Variants in BUB1B observed in about 807,000 individuals in gnomAD.
BUB1B encodes the protein BUB1 mitotic checkpoint serine/threonine kinase B.
A neutral mutation model predicts 137.7 loss-of-function variants in BUB1B; 86 were observed. That is an observed-to-expected ratio of 0.62 (90% confidence interval 0.52 to 0.75). The LOEUF is 0.75. BUB1B is among the 30% of genes least tolerant of loss of function. The pLI is 0.00. For missense variants in BUB1B, 1,130 were observed against 1,236.9 expected (o/e 0.91, Z 1.30); for synonymous variants, 420 against 417.9 (o/e 1.00, Z -0.06).
intron 8 of BUB1B, among the ~76,000 whole-genome samples, chr15:40,188,240 G>A (rs1259469646): frequency 6.6e-6 from 1 of 152,070 alleles, no homozygotes; most frequent in Non-Finnish European, 1.5e-5. Context: ...TAGAGACAGG[G>A]TTTCACCATG....
At position 40,205,105 on chromosome 15, in the gene BUB1B, C is replaced by T. The variant is rs192157882; in HGVS notation, c.1735-1079C>T. Among the ~76,000 whole-genome samples, 401 of 152,098 alleles carry T rather than the reference C, an allele frequency of 2.6e-3. 8 individuals are homozygous for T. The highest frequency in any genetic ancestry group is 0.021 in the Admixed American group (316 of 15,284). Reference sequence around the variant, plus strand: ...GGGATTACAGGCGCCCACCACCACGCCCAGCTAATTTTTGTATTTTTAGTA... The same window carrying T: ...GGGATTACAGGCGCCCACCACCACGTCCAGCTAATTTTTGTATTTTTAGTA... On this transcript the variant is annotated intron_variant, in intron 14 of 22. Transcript: ENST00000287598.
At chr15:40,175,129 A>G (rs1260532714) in intron 4 of BUB1B, among the ~76,000 whole-genome samples, 2 of 152,184 alleles carry the variant, frequency 1.3e-5, no homozygotes, top group Admixed American at 6.6e-5. Context: ...ACCTTTTAAC[A>G]TAGTTCTAGG....
In BUB1B at chr15:40,196,525, T is replaced by C. The variant is rs2037499501; in HGVS notation, c.1059-20T>C. 2 of 1,578,218 alleles carry C rather than the reference T, an allele frequency of 1.3e-6. No homozygotes were observed. The highest frequency in any genetic ancestry group is 1.1e-5 in the South Asian group (1 of 89,998). On this transcript the variant is annotated intron_variant, in intron 8 of 22. Coordinates refer to ENST00000287598, the MANE Select transcript of BUB1B (RefSeq NM_001211.6). ...TTTTTATTTTGACCCATATGAATAATAGTAATTTTGCTTCTTTAGGACACC... is the reference window on the plus strand; with the variant it reads ...TTTTTATTTTGACCCATATGAATAACAGTAATTTTGCTTCTTTAGGACACC...
intron 4 of BUB1B, among the ~76,000 whole-genome samples, chr15:40,172,847 C>T (rs2037180057): frequency 6.6e-6 from 1 of 152,180 alleles, no homozygotes; most frequent in African/African-American, 2.4e-5. Context: ...GTTACAGAAA[C>T]TTATAATGAA....
chr15:40,170,791 A>C, intron 4 of BUB1B, 110 bp downstream of exon 4: 7 of 1,093,736 alleles, frequency 6.4e-6, no homozygotes, highest in Non-Finnish European at 9.4e-6. Context: ...TGAACCATTT[A>C]GTAGATTGGA....
rs1264092011 is a variant in BUB1B at position 40,206,225 on chromosome 15, T to C, written c.1776T>C (p.Ile592=). Residue 592 remains isoleucine (I), a synonymous_variant, in exon 15 of 23, where the codon ATT becomes ATC. Coordinates refer to ENST00000287598, the MANE Select transcript of BUB1B (RefSeq NM_001211.6). ...TTGAACCCTTGAGCGAGGATGCCATTATCACAGGCTTCAGAAATGTAACAA... is the reference window on the plus strand; with the variant it reads ...TTGAACCCTTGAGCGAGGATGCCATCATCACAGGCTTCAGAAATGTAACAA... ...TGIEPLSEDA[I]ITGFRNVTIC... The C allele has an allele frequency of 6.2e-7, 1 of 1,614,184 alleles. No individual in the cohort carries two copies.
chr15:40,183,059 C>A (rs2140889380), intron 5 of BUB1B, among the ~76,000 whole-genome samples: 1 of 152,150 alleles, frequency 6.6e-6, no homozygotes, highest in Non-Finnish European at 1.5e-5. Flanking sequence ...GCAATTTATT[C>A]TGGGTTTTTT....
chr15:40,187,066 A>C (rs549471779), intron 8 of BUB1B: 2 of 151,114 alleles, frequency 1.3e-5, no homozygotes, highest in South Asian at 4.1e-4. Context: ...TAGGAGAATC[A>C]CTCCAGGCCA....
intron 8 of BUB1B, among the ~76,000 whole-genome samples, chr15:40,194,691 T>A (rs2037477168): frequency 6.6e-6 from 1 of 152,220 alleles, no homozygotes. Flanking sequence ...TATACTTCAT[T>A]CTTTTAAAAG....
At position 40,220,790 on chromosome 15, in the gene BUB1B, C is replaced by T; in HGVS notation, c.*31C>T. ...GCAATCAAGTCTCACAGATTGCTGC[C>T]TCAGAGCAATGGTTGTATTGTGGAA... On this transcript the variant is annotated 3_prime_UTR_variant, in exon 23 of 23. Coordinates refer to ENST00000287598, the MANE Select transcript of BUB1B (RefSeq NM_001211.6). The T allele has an allele frequency of 6.3e-7, 1 of 1,594,416 alleles. No individual in the cohort carries two copies. The highest frequency in any genetic ancestry group is 2.2e-5 in the East Asian group (1 of 44,754).
In BUB1B at chr15:40,192,924, T is replaced by C. The variant is rs80068172; in HGVS notation, c.1059-3621T>C. On this transcript the variant is annotated intron_variant, in intron 8 of 22. Transcript: ENST00000287598. Reference sequence around the variant, plus strand: ...TGGAGTACAGTAGCATGATCCTGGCTCACTGCAGTCCTGACTCCTGGACTC... The same window carrying C: ...TGGAGTACAGTAGCATGATCCTGGCCCACTGCAGTCCTGACTCCTGGACTC... 2.8e-4 allele frequency among the ~76,000 whole-genome samples: 42 copies of C among 152,334 alleles called. No individual in the cohort carries two copies. The East Asian group carries it at 8.1e-3, about 29-fold the overall frequency.
At chr15:40,166,322 T>C (rs1368947107) in intron 2 of BUB1B, 1 of 434,672 alleles carries the variant, frequency 2.3e-6, no homozygotes, top group Non-Finnish European at 4.5e-6. Context: ...TTTGTAGACA[T>C]AATTTTCTCT....
chr15:40,216,699 G>A (rs1037687627), intron 20 of BUB1B, among the ~76,000 whole-genome samples: 1 of 151,068 alleles, frequency 6.6e-6, no homozygotes, highest in Non-Finnish European at 1.5e-5. Context: ...TGCCGTGGAG[G>A]TATGTAATTG....
At position 40,170,648 on chromosome 15, in the gene BUB1B, T is replaced by C; in HGVS notation, c.351T>C (p.Ser117=). The C allele has an allele frequency of 6.2e-7, 1 of 1,613,802 alleles. No individual in the cohort carries two copies. The highest frequency in any genetic ancestry group is 1.7e-4 in the Middle Eastern group (1 of 6,058). Residue 117 remains serine, a synonymous_variant, in exon 4 of 23, where the codon AGT becomes AGC. Coordinates refer to ENST00000287598, the MANE Select transcript of BUB1B (RefSeq NM_001211.6). ...TACAAGGAGAAAAACGATATTATAG[T>C]GATCCTCGATTTCTCAATCTCTGGC... ...EALQGEKRYY[S]DPRFLNLWLK... is the part of the protein sequence containing the mutation.
At chr15:40,168,036 C>T (rs2037121392) in intron 2 of BUB1B, among the ~76,000 whole-genome samples, 1 of 149,130 alleles carries the variant, frequency 6.7e-6, no homozygotes, top group African/African-American at 2.5e-5. Flanking sequence ...TTGAAATCAT[C>T]TTGTCAATTT....
rs2037348769 is a variant in BUB1B at position 40,185,451 on chromosome 15, A to AC, written c.966+74dup. The AC allele has an allele frequency of 3.1e-6, 5 of 1,589,362 alleles. No homozygotes were observed. In the East Asian group the frequency reaches 1.1e-4, roughly 36 times the overall value. On this transcript the variant is annotated intron_variant, in intron 7 of 22. Coordinates refer to ENST00000287598, the MANE Select transcript of BUB1B (RefSeq NM_001211.6). Reference sequence around the variant, plus strand: ...ACATTTAGGGTAGAGAAGTATTTTTACCATCTCTTTTAATTCCTCTTGAAT... The same window carrying AC: ...ACATTTAGGGTAGAGAAGTATTTTTACCCATCTCTTTTAATTCCTCTTGAAT...
At chr15:40,212,118 A>G (rs1243896649) in intron 18 of BUB1B, among the ~76,000 whole-genome samples, 2 of 152,248 alleles carry the variant, frequency 1.3e-5, no homozygotes, top group African/African-American at 4.8e-5. Flanking sequence ...TACAGGCATG[A>G]GCCACTGCAC....
chr15:40,164,795 C>T (rs893776528), intron 1 of BUB1B, among the ~76,000 whole-genome samples: 2 of 151,896 alleles, frequency 1.3e-5, no homozygotes, highest in Admixed American at 6.6e-5. Flanking sequence ...AGCCACCGCA[C>T]ATAGCCATGC....
chr15:40,173,974 TA>T, intron 4 of BUB1B: 1 of 436,964 alleles, frequency 2.3e-6, no homozygotes, highest in Non-Finnish European at 4.5e-6. Context: ...TATTTTTATT[TA>T]AAGGTATAAA....
Sources: allele counts gnomAD v4.1 joint callset (sites outside exome capture counted in the v4.1 genomes callset), GRCh38; gene constraint gnomAD v4.1.1; transcripts MANE v1.5; gene names NCBI Gene and HGNC (gene_info 2026-07-23, HGNC 2026-07-21).